MALRD1: variants seen among roughly 807,000 people sequenced by gnomAD.
The protein encoded by MALRD1 is MAM and LDL receptor class A domain containing 1, also known as MAM and LDL-receptor class A domain-containing protein 1.
A neutral mutation model predicts 242.1 loss-of-function variants in MALRD1; 247 were observed. The observed-to-expected ratio is 1.02, with a 90% confidence interval of 0.92 to 1.13. The LOEUF (loss-of-function observed/expected upper bound fraction) is 1.13. MALRD1 is among the 50% of genes most tolerant of loss of function. The pLI is 0.00. For synonymous variants in MALRD1, 995 were observed against 866.6 expected (o/e 1.15, Z -2.60); for missense variants, 2,989 against 2,533.1 (o/e 1.18, Z -3.86).
chr10:19,530,385 T>TTTATATCA (rs1564417186), intron 31 of MALRD1, among the ~76,000 whole-genome samples: 1 of 85,284 alleles, frequency 1.2e-5, no homozygotes, highest in Non-Finnish European at 2.1e-5. Flanking sequence ...ATAAATATTA[T>TTTATATCA]ATATTTATAT....
Position 19,249,197 on chromosome 10 carries a change from G to T in MALRD1, c.2992-8487G>T, listed in dbSNP as rs370963032. ...CTTGATAAATAACCGAAGATTGAAG[G>T]AAAGGACTTGGAAATGCAGGCATAA... On this transcript the variant is annotated intron_variant, in intron 18 of 39. Coordinates refer to ENST00000454679, the MANE Select transcript of MALRD1 (RefSeq NM_001142308.3). Among the ~76,000 whole-genome samples the T allele has an allele frequency of 3.3e-5, 5 of 151,598 alleles. No individual in the cohort carries two copies. In the East Asian group the frequency reaches 7.8e-4, roughly 24 times the overall value.
chr10:19,456,517 G>A (rs1478774906), intron 29 of MALRD1, among the ~76,000 whole-genome samples: 1 of 151,792 alleles, frequency 6.6e-6, no homozygotes, highest in Non-Finnish European at 1.5e-5. Flanking sequence ...TTTATATAAA[G>A]TTCACACACA....
chr10:19,374,392 T>G (rs1318252388), intron 26 of MALRD1, among the ~76,000 whole-genome samples: 1 of 152,210 alleles, frequency 6.6e-6, no homozygotes, highest in Non-Finnish European at 1.5e-5. Flanking sequence ...ATGTTCACAT[T>G]AAAAATCTGA....
chr10:19,068,044 T>C (rs766841780), intron 2 of MALRD1, among the ~76,000 whole-genome samples: 6 of 152,174 alleles, frequency 3.9e-5, no homozygotes, highest in Non-Finnish European at 5.9e-5. Flanking sequence ...GATTTAGTTA[T>C]GTTAGATGGT....
intron 11 of MALRD1, among the ~76,000 whole-genome samples, chr10:19,151,563 G>A (rs1200380221): frequency 6.6e-6 from 1 of 152,082 alleles, no homozygotes; most frequent in African/African-American, 2.4e-5. Flanking sequence ...TCTAGAATGT[G>A]TTGAATAGAA....
intron 32 of MALRD1, among the ~76,000 whole-genome samples, chr10:19,564,426 T>C (rs1334968621): frequency 6.6e-6 from 1 of 152,098 alleles, no homozygotes; most frequent in Non-Finnish European, 1.5e-5. Context: ...TAATATAACC[T>C]TTGTATATAA....
intron 24 of MALRD1, among the ~76,000 whole-genome samples, chr10:19,335,182 G>GT (rs1222880331): frequency 1.5e-3 from 136 of 92,060 alleles, no homozygotes; most frequent in Middle Eastern, 6.5e-3. Flanking sequence ...CTCTTGTTCT[G>GT]TTTTTTTTTG....
At chr10:19,575,862 A>C (rs1836794252) in intron 33 of MALRD1, among the ~76,000 whole-genome samples, 1 of 152,174 alleles carries the variant, frequency 6.6e-6, no homozygotes, top group Non-Finnish European at 1.5e-5. Context: ...TGTAACGGCC[A>C]CATAACTGAT....
chr10:19,601,973 CAAAT>C (rs1838362853), intron 34 of MALRD1, among the ~76,000 whole-genome samples: 1 of 151,708 alleles, frequency 6.6e-6, no homozygotes, highest in African/African-American at 2.4e-5. Flanking sequence ...TATATATACA[CAAAT>C]ATATATCATA....
Position 19,387,663 on chromosome 10 carries a change from G to A in MALRD1, c.4577G>A (p.Gly1526Asp). ...ECGSSCTFEK[G>D]WCGWQNSQAD... Reference sequence around the variant, plus strand: ...GGTAGCTCCTGTACTTTTGAAAAAGGCTGGTGTGGCTGGCAAAACTCCCAG... The same window carrying A: ...GGTAGCTCCTGTACTTTTGAAAAAGACTGGTGTGGCTGGCAAAACTCCCAG... The change falls in exon 27 of 40, where the codon GGC becomes GAC. Residue 1526 changes from glycine (G) to aspartate (D), a missense_variant. By Grantham distance (94) the Gly-to-Asp change is moderately conservative. Transcript: ENST00000454679. 1.9e-6 allele frequency: 3 copies of A among 1,550,352 alleles called. No individual in the cohort carries two copies. Among genetic ancestry groups the A allele is most frequent in the South Asian group, 1.2e-5 (1 of 84,050 alleles).
chr10:19,719,775 C>T (rs988486811), intron 38 of MALRD1, among the ~76,000 whole-genome samples: 5 of 151,948 alleles, frequency 3.3e-5, no homozygotes, highest in Non-Finnish European at 5.9e-5. Context: ...GGACATTTCT[C>T]GTTAATGTAT....
intron 29 of MALRD1, among the ~76,000 whole-genome samples, chr10:19,483,194 A>G (rs1268118687): frequency 1.0e-5 from 1 of 99,598 alleles, no homozygotes; most frequent in Non-Finnish European, 1.9e-5. Context: ...ACCTGAAACT[A>G]TAAGAATCCT....
At chr10:19,610,823 C>A (rs1459439301) in intron 35 of MALRD1, among the ~76,000 whole-genome samples, 1 of 151,880 alleles carries the variant, frequency 6.6e-6, no homozygotes, top group African/African-American at 2.4e-5. Context: ...TCCTCCTCTG[C>A]AAAATGAGGA....
intron 36 of MALRD1, among the ~76,000 whole-genome samples, chr10:19,676,613 T>C (rs564767271): frequency 3.9e-4 from 59 of 152,342 alleles, no homozygotes; most frequent in African/African-American, 1.3e-3. Flanking sequence ...GATCCTGTTA[T>C]CTTGTTTACA....
At position 19,205,262 on chromosome 10, in the gene MALRD1, T is replaced by A. The variant is rs1291328344; in HGVS notation, c.2575T>A (p.Cys859Ser). The A allele has an allele frequency of 6.5e-7, 1 of 1,540,306 alleles. No individual in the cohort carries two copies. The highest frequency in any genetic ancestry group is 2.0e-5 in the Admixed American group (1 of 49,368). ...DCGDRTDEVN[C>S]APELQCNFET... ...TGGTGATCGTACTGATGAAGTCAACTGTGGTAAGTTCTTTTTGGTTGGGGG... is the reference window on the plus strand; with the variant it reads ...TGGTGATCGTACTGATGAAGTCAACAGTGGTAAGTTCTTTTTGGTTGGGGG... The change falls in exon 17 of 40, where the codon TGT becomes AGT. Residue 859 changes from cysteine (C) to serine (S), a missense_variant. By Grantham distance (112) the Cys-to-Ser change is moderately radical. Coordinates refer to ENST00000454679, the MANE Select transcript of MALRD1 (RefSeq NM_001142308.3).
chr10:19,546,235 A>G (rs1835202456), intron 32 of MALRD1, among the ~76,000 whole-genome samples: 1 of 152,190 alleles, frequency 6.6e-6, no homozygotes, highest in South Asian at 2.1e-4. Context: ...CCCTTCCCCT[A>G]ACAGTGAATA....
chr10:19,659,437 A>C (rs1179475282), intron 36 of MALRD1, among the ~76,000 whole-genome samples: 1 of 152,086 alleles, frequency 6.6e-6, no homozygotes, highest in Non-Finnish European at 1.5e-5. Context: ...TTCTTAAGTT[A>C]CTCCTCATCA....
intron 32 of MALRD1, among the ~76,000 whole-genome samples, chr10:19,532,648 A>C (rs1834472760): frequency 6.6e-6 from 1 of 152,140 alleles, no homozygotes; most frequent in Non-Finnish European, 1.5e-5. Flanking sequence ...AAATGAGAGA[A>C]CGAAAAAAGG....
chr10:19,520,518 G>T (rs1423231635), intron 31 of MALRD1, among the ~76,000 whole-genome samples: 1 of 152,054 alleles, frequency 6.6e-6, no homozygotes, highest in South Asian at 2.1e-4. Flanking sequence ...CATCAAAAAA[G>T]AAATCCAGGT....
Sources: allele counts gnomAD v4.1 joint callset (sites outside exome capture counted in the v4.1 genomes callset), GRCh38; gene constraint gnomAD v4.1.1; transcripts MANE v1.5; gene names NCBI Gene and HGNC (gene_info 2026-07-23, HGNC 2026-07-21).